Variants in USP34 observed in about 807,000 individuals in gnomAD.
USP34 encodes ubiquitin carboxyl-terminal hydrolase 34.
Under a neutral mutation model 460.3 loss-of-function variants are expected in USP34, and 70 were observed. The ratio of observed to expected loss-of-function variants is 0.15; its 90% CI spans 0.13 to 0.19. The LOEUF (loss-of-function observed/expected upper bound fraction) is 0.19. Among genes scored for constraint, USP34 ranks in the 10% least tolerant of loss-of-function variants. The pLI is 1.00. For synonymous variants in USP34, 1,647 were observed against 1,405.3 expected, an observed-to-expected ratio of 1.17 and a Z score of -3.85; for missense variants, 3,985 against 4,236.2, an observed-to-expected ratio of 0.94 and a Z score of 1.65.
At chr2:61,304,099 TG>T (rs1390899508) in intron 27 of USP34, among the ~76,000 whole-genome samples, 2 of 152,128 alleles carry the variant, frequency 1.3e-5, no homozygotes, top group South Asian at 4.1e-4. Context: ...GGTTTCGTCA[TG>T]TTGGCCAGGC....
At chr2:61,395,646 C>T (rs915851385) in intron 3 of USP34, among the ~76,000 whole-genome samples, 2 of 148,234 alleles carry the variant, frequency 1.3e-5, no homozygotes, top group South Asian at 2.1e-4. Flanking sequence ...ATTAGCCGGG[C>T]GCAGTGGCGG....
In USP34 at chr2:61,227,249, G is replaced by A. The variant is rs747441595; in HGVS notation, c.7444-31C>T. The A allele has an allele frequency of 1.5e-5, 23 of 1,574,564 alleles. No individual in the cohort carries two copies. The African/African-American group carries it at 1.5e-4, about 10-fold the overall frequency. On this transcript the variant is annotated intron_variant, in intron 61 of 79. Coordinates refer to ENST00000398571, the MANE Select transcript of USP34 (RefSeq NM_014709.4). ...TTGGAATAAAATTCAATTTTAATAC[G>A]GTAGTAGTTTTAATATCATTTTGAG...
intron 41 of USP34, among the ~76,000 whole-genome samples, chr2:61,269,940 C>T (rs1689164018): frequency 6.6e-6 from 1 of 152,094 alleles, no homozygotes; most frequent in African/African-American, 2.4e-5. Flanking sequence ...TCCCTTTTAG[C>T]TATTTTGAAA....
intron 15 of USP34, among the ~76,000 whole-genome samples, chr2:61,346,975 T>G (rs1691791035): frequency 1.3e-5 from 2 of 150,810 alleles, no homozygotes; most frequent in South Asian, 4.2e-4. Context: ...CCATCTCTAC[T>G]AAAAATACTA....
At position 61,452,621 on chromosome 2, in the gene USP34, G is replaced by T. The variant is rs141552549; in HGVS notation, c.43+18029C>A. Among the ~76,000 whole-genome samples the T allele has an allele frequency of 2.7e-3, 417 of 151,874 alleles. 2 individuals carry two copies. The highest frequency in any genetic ancestry group is 9.4e-3 in the African/African-American group (388 of 41,430). On this transcript the variant is annotated intron_variant, in intron 1 of 79. Coordinates refer to ENST00000398571, the MANE Select transcript of USP34 (RefSeq NM_014709.4). Reference sequence around the variant, plus strand: ...ATTACAGGCGTCAGCCACCGTGCTGGCCTGTAATCCCCAGCACTTTGGAAG... The same window carrying T: ...ATTACAGGCGTCAGCCACCGTGCTGTCCTGTAATCCCCAGCACTTTGGAAG...
Position 61,288,191 on chromosome 2 carries a change from C to T in USP34, c.4749+486G>A, listed in dbSNP as rs530125633. 5.3e-5 allele frequency among the ~76,000 whole-genome samples: 8 copies of T among 152,280 alleles called. No homozygotes were observed. The East Asian group carries it at 7.7e-4, about 15-fold the overall frequency. ...ACTGCTTTCTCAGAGGCCTAAACCCCGGTTTAACAGGATCCCTCCTGCAAG... is the reference window on the plus strand; with the variant it reads ...ACTGCTTTCTCAGAGGCCTAAACCCTGGTTTAACAGGATCCCTCCTGCAAG... On this transcript the variant is annotated intron_variant, in intron 34 of 79. Coordinates refer to ENST00000398571, the MANE Select transcript of USP34 (RefSeq NM_014709.4).
rs967340646 is a variant in USP34 at position 61,401,166 on chromosome 2, A to AT, written c.552+4541_552+4542insA. 5.9e-5 allele frequency among the ~76,000 whole-genome samples: 9 copies of AT among 151,582 alleles called. No homozygotes were observed. In the East Asian group the frequency reaches 1.4e-3, roughly 23 times the overall value. The stretch of plus-strand genomic sequence containing the variant: ...CTCTGTCTCAAAAAAAAAAAAAAAA[A>AT]AAATTAAAAAATAAAACCTTCATGT... On this transcript the variant is annotated intron_variant, in intron 3 of 79. Coordinates refer to ENST00000398571, the MANE Select transcript of USP34 (RefSeq NM_014709.4).
intron 8 of USP34, among the ~76,000 whole-genome samples, chr2:61,374,160 A>G (rs74261653): frequency 0.36 from 29,068 of 81,742 alleles, 3,649 homozygotes; most frequent in South Asian, 0.57. Context: ...CATCTCAGGG[A>G]AAAAAAAAAA....
chr2:61,444,820 C>A (rs1451334872), intron 1 of USP34, among the ~76,000 whole-genome samples: 2 of 151,232 alleles, frequency 1.3e-5, no homozygotes, highest in Non-Finnish European at 2.9e-5. Context: ...TGGAGACCTC[C>A]TTTTTTGGCT....
intron 3 of USP34, among the ~76,000 whole-genome samples, chr2:61,398,962 G>A (rs1693627816): frequency 6.6e-6 from 1 of 152,118 alleles, no homozygotes; most frequent in Non-Finnish European, 1.5e-5. Context: ...CAGAATTTAA[G>A]ACCTCCTGTG....
At chr2:61,416,539 T>G (rs185969044) in intron 2 of USP34, among the ~76,000 whole-genome samples, 80 of 152,244 alleles carry the variant, frequency 5.3e-4, no homozygotes, top group South Asian at 4.1e-3. Context: ...AACTCAGTTT[T>G]GTAATAAGCT....
chr2:61,463,321 T>TA (rs1217351631), intron 1 of USP34, among the ~76,000 whole-genome samples: 5 of 152,110 alleles, frequency 3.3e-5, no homozygotes, highest in African/African-American at 1.2e-4. Context: ...CACTGTCTCT[T>TA]AAAAAATAAT....
intron 7 of USP34, 58 bp downstream of exon 7, chr2:61,380,110 AT>A (rs1208690967): frequency 1.3e-6 from 2 of 1,496,540 alleles, no homozygotes; most frequent in African/African-American, 2.8e-5. Flanking sequence ...AGTGGGTAGT[AT>A]TATGATAGAC....
At chr2:61,201,912 A>C (rs1686988563) in intron 75 of USP34, among the ~76,000 whole-genome samples, 1 of 152,172 alleles carries the variant, frequency 6.6e-6, no homozygotes, top group African/African-American at 2.4e-5. Context: ...CTTACACCTG[A>C]TTACTGCCAA....
Position 61,214,268 on chromosome 2 carries a change from A to C in USP34, c.8474T>G (p.Val2825Gly). Residue 2825 changes from valine to glycine, a missense_variant, in exon 68 of 80, where the codon GTA becomes GGA. By Grantham distance (109) the Val-to-Gly change is moderately radical. Around this residue, in one of 14 missense-constraint regions of USP34, gnomAD observed 66 missense variants for 121.2 expected, o/e 0.54. Transcript: ENST00000398571. ...GTAATTGAAGGCAATGTTCTTGGTT[A>C]CCACTGGGTTCTGAACAATAAGGCG... The part of the protein sequence containing the change: ...NIRLIVQNPV[V>G]TKNIAFNYIL... The C allele has an allele frequency of 6.2e-7, 1 of 1,614,244 alleles. No homozygotes were observed. The highest frequency in any genetic ancestry group is 2.2e-5 in the East Asian group (1 of 44,892).
chr2:61,188,381 G>T lies in USP34; in HGVS notation c.10362C>A (p.His3454Gln), dbSNP rs751996549. ...CAGCTAGGGTAGAATCCTTGGAACAGTGGAGGTCTTTAAATTCTTTACAAT... is the reference window on the plus strand; with the variant it reads ...CAGCTAGGGTAGAATCCTTGGAACATTGGAGGTCTTTAAATTCTTTACAAT... Reference protein sequence around the residue: ...YDDCKEFKDLHCSKDSTLAEE... With the variant: ...YDDCKEFKDLQCSKDSTLAEE... The change falls in exon 80 of 80, where the codon CAC becomes CAA. Residue 3454 changes from histidine (H) to glutamine (Q), a missense_variant. His to Gln is a conservative substitution (Grantham distance 24). This residue lies in a region of USP34 where 506 missense variants were observed against 439.0 expected (regional missense o/e 1.15). Transcript: ENST00000398571. The T allele has an allele frequency of 1.2e-6, 2 of 1,614,092 alleles. No individual in the cohort carries two copies. The highest frequency in any genetic ancestry group is 2.2e-5 in the East Asian group (1 of 44,892).
At chr2:61,402,173 A>G (rs1040433148) in intron 3 of USP34, among the ~76,000 whole-genome samples, 1 of 152,062 alleles carries the variant, frequency 6.6e-6, no homozygotes, top group Non-Finnish European at 1.5e-5. Context: ...CAAGCTACTC[A>G]GGAGGCTGAG....
At chr2:61,196,794 G>C (rs1686823557) in intron 75 of USP34, among the ~76,000 whole-genome samples, 1 of 151,962 alleles carries the variant, frequency 6.6e-6, no homozygotes, top group South Asian at 2.1e-4. Flanking sequence ...CGGTTTTACG[G>C]AGTGCTGGGA....
At chr2:61,248,765 T>G (rs1324439203) in intron 48 of USP34, 82 bp from the exon 49 acceptor site, 1 of 1,292,940 alleles carries the variant, frequency 7.7e-7, no homozygotes, top group African/African-American at 1.5e-5. Flanking sequence ...CTATATCCAT[T>G]TCAATTTTCA....
Sources: gnomAD v4.1 joint callset for allele counts (sites outside exome capture counted in the v4.1 genomes callset) on GRCh38, gnomAD v4.1.1 for gene constraint, gnomAD v4.1.1 regional missense constraint, MANE v1.5 for transcripts, NCBI Gene and HGNC (gene_info 2026-07-23, HGNC 2026-07-21) for gene names.